The following INTS2 variants were observed in gnomAD, a reference collection of about 807,000 sequenced individuals.
INTS2 encodes the protein KIAA1287.
A neutral mutation model predicts 139.6 loss-of-function variants in INTS2; 57 were observed. The ratio of observed to expected loss-of-function variants is 0.41; its 90% CI spans 0.33 to 0.51. INTS2 has a LOEUF of 0.51. Among genes scored for constraint, INTS2 ranks in the 20% least tolerant of loss-of-function variants. INTS2 has a pLI of 0.28. For synonymous variants in INTS2, 473 were observed against 493.4 expected (o/e 0.96, Z 0.55); for missense variants, 1,196 against 1,436.7 (o/e 0.83, Z 2.71).
At chr17:61,888,564 C>CGTGCGTGCGTGTGTGT (rs755542102) in intron 15 of INTS2, among the ~76,000 whole-genome samples, 28 of 119,668 alleles carry the variant, frequency 2.3e-4, no homozygotes, top group African/African-American at 6.3e-4. Context: ...TGTGTGCGTG[C>CGTGCGTGCGTGTGTGT]GTGTGTGTGT....
In INTS2 at chr17:61,897,053, TAAG is replaced by T. The variant is rs1249974421; in HGVS notation, c.1494+413_1494+415del. 6.6e-6 allele frequency among the ~76,000 whole-genome samples: 1 copy of T among 152,152 alleles called. No individual in the cohort carries two copies. Among genetic ancestry groups the T allele is most frequent in the Non-Finnish European group, 1.5e-5 (1 of 68,016 alleles). On this transcript the variant is annotated intron_variant, in intron 11 of 24. Coordinates refer to ENST00000251334, the MANE Select transcript of INTS2 (RefSeq NM_001351695.2). The surrounding 1 kb of genome is among the most constrained non-coding windows in gnomAD (Gnocchi z 4.4). ...ACATGGGAAATAATAAGGGACCTAT[TAAG>T]AAGATCAAACAATGGACTATAAGAC...
In INTS2 at chr17:61,878,006, T is replaced by C. The variant is rs2079141073; in HGVS notation, c.2337A>G (p.Ile779Met). 6.2e-7 allele frequency: 1 copy of C among 1,612,546 alleles called. No homozygotes were observed. Among genetic ancestry groups the C allele is most frequent in the Non-Finnish European group, 8.5e-7 (1 of 1,178,582 alleles). The part of the protein sequence containing the change: ...HLTLLSASEL[I>M]PYAEVLTSNM... ...TGGATGTTAACACTTCCGCATATGGTATAAGTTCACTGGCAGAGAGTAGAG... is the reference window on the plus strand; with the variant it reads ...TGGATGTTAACACTTCCGCATATGGCATAAGTTCACTGGCAGAGAGTAGAG... The change falls in exon 18 of 25, where the codon ATA becomes ATG. Residue 779 changes from isoleucine to methionine, a missense_variant. Transcript: ENST00000251334.
Position 61,867,946 on chromosome 17 carries a change from C to A in INTS2, c.3308G>T (p.Cys1103Phe). 6.2e-7 allele frequency: 1 copy of A among 1,611,762 alleles called. No individual in the cohort carries two copies. Residue 1103 changes from cysteine to phenylalanine, a missense_variant, in exon 24 of 25, where the codon TGT becomes TTT. Cys to Phe is a radical substitution (Grantham distance 205). Transcript: ENST00000251334. The surrounding 1 kb of genome is among the most constrained non-coding windows in gnomAD (Gnocchi z 5.6). ...MPTLPSLVSF[C>F]RAFPPLYEDI... is the part of the protein sequence containing the mutation. ...CTCATACAATGGAGGAAATGCTCGA[C>A]AAAAAGAGACCAAACTTGGCAGAGT...
rs761310662 is a variant in INTS2, at chr17:61,871,093, AGATTTATTTTATT to A, written c.2779-1118_2779-1106del. On this transcript the variant is annotated intron_variant, in intron 20 of 24. Transcript: ENST00000251334. The surrounding 1 kb of genome is among the most constrained non-coding windows in gnomAD (Gnocchi z 4.9). Reference sequence around the variant, plus strand: ...TCCCTTATCTGAAACTCCTAGGAACAGATTTATTTTATTGATTTATTTTATTGATTTTTGTTGT... The same window carrying A: ...TCCCTTATCTGAAACTCCTAGGAACAGATTTATTTTATTGATTTTTGTTGT... 1.2e-4 allele frequency among the ~76,000 whole-genome samples: 19 copies of A among 152,150 alleles called. No individual in the cohort carries two copies. The highest frequency in any genetic ancestry group is 2.5e-4 in the Non-Finnish European group (17 of 68,020).
intron 8 of INTS2, among the ~76,000 whole-genome samples, chr17:61,905,190 C>T (rs1567908536): frequency 1.3e-5 from 2 of 152,004 alleles, no homozygotes; most frequent in African/African-American, 4.8e-5. Flanking sequence ...ATCCACCTCC[C>T]TTGGTCTCCT....
At chr17:61,911,486 T>C in intron 7 of INTS2, 34 bp downstream of exon 7, 1 of 1,575,018 alleles carries the variant, frequency 6.3e-7, no homozygotes, top group South Asian at 1.2e-5. Context: ...TAAAGTATTC[T>C]GATCCTTAGC....
intron 9 of INTS2, among the ~76,000 whole-genome samples, chr17:61,902,895 G>T (rs1441291943): frequency 6.7e-6 from 1 of 150,268 alleles, no homozygotes; most frequent in Non-Finnish European, 1.5e-5. Context: ...GGCTGGGCAC[G>T]GTGGCTCACG....
chr17:61,880,328 G>A (rs1475546527), intron 17 of INTS2, among the ~76,000 whole-genome samples: 2 of 151,694 alleles, frequency 1.3e-5, no homozygotes, highest in African/African-American at 4.8e-5. Context: ...TTACAGGCGT[G>A]AGCCACCACG....
chr17:61,900,882 C>T (rs188400935), intron 9 of INTS2, among the ~76,000 whole-genome samples: 7 of 151,734 alleles, frequency 4.6e-5, no homozygotes, highest in East Asian at 1.9e-4. Flanking sequence ...CACTTGAACC[C>T]GGGAGGCAGA....
chr17:61,888,396 C>T (rs746254725), intron 15 of INTS2, among the ~76,000 whole-genome samples: 2 of 151,996 alleles, frequency 1.3e-5, no homozygotes, highest in African/African-American at 2.4e-5. Context: ...ATGAACTATA[C>T]ACATGTAGGA....
chr17:61,902,069 C>G (rs2079412648), intron 9 of INTS2, among the ~76,000 whole-genome samples: 1 of 152,168 alleles, frequency 6.6e-6, no homozygotes, highest in Admixed American at 6.6e-5. Context: ...TCATTGTCTT[C>G]TAACTTCCAG....
intron 5 of INTS2, among the ~76,000 whole-genome samples, chr17:61,915,167 T>C (rs2143131265): frequency 1.3e-5 from 2 of 151,434 alleles, no homozygotes; most frequent in African/African-American, 4.8e-5. Flanking sequence ...TGAAACCCCG[T>C]CTCTACTAAA....
chr17:61,897,620 G>T lies in INTS2; in HGVS notation c.1380-37C>A. 1 of 1,580,578 alleles carries T rather than the reference G, an allele frequency of 6.3e-7. No homozygotes were observed. Among genetic ancestry groups the T allele is most frequent in the Non-Finnish European group, 8.6e-7 (1 of 1,159,152 alleles). ...AAATAGGAAATATGAATTTTCCAAAGAGAGAAGAAGAAAAGCTTTCTCAAC... is the reference window on the plus strand; with the variant it reads ...AAATAGGAAATATGAATTTTCCAAATAGAGAAGAAGAAAAGCTTTCTCAAC... On this transcript the variant is annotated intron_variant, in intron 10 of 24. Transcript: ENST00000251334. This position sits in a 1 kb window ranked among gnomAD's most constrained non-coding sequence, Gnocchi z 4.4.
intron 9 of INTS2, among the ~76,000 whole-genome samples, chr17:61,900,084 TGAG>T (rs1316878495): frequency 6.6e-6 from 1 of 152,130 alleles, no homozygotes; most frequent in Non-Finnish European, 1.5e-5. Flanking sequence ...CATAAGATAT[TGAG>T]GAGGGACAAC....
intron 8 of INTS2, among the ~76,000 whole-genome samples, chr17:61,905,342 T>C (rs1457663154): frequency 6.6e-6 from 1 of 152,242 alleles, no homozygotes; most frequent in Non-Finnish European, 1.5e-5. Context: ...CTTTCTTTTT[T>C]TTGAGACAGA....
Position 61,927,672 on chromosome 17 carries a change from GC to G in INTS2, c.-38del. On this transcript the variant is annotated 5_prime_UTR_variant, in exon 1 of 25. Transcript: ENST00000251334. ...TTCATACCTTAAGATCTACCCTCCA[GC>G]CTCACGGAACCGCACACGGACTCCG... 2 of 1,419,258 alleles carry G rather than the reference GC, an allele frequency of 1.4e-6. No individual in the cohort carries two copies. Among genetic ancestry groups the G allele is most frequent in the South Asian group, 3.0e-5 (2 of 67,164 alleles). The allele number at this position is 1,419,258 out of a possible 1,614,324, so 87.9% of individuals were successfully genotyped here.
In INTS2 at chr17:61,869,212, G is replaced by A. The variant is rs1163528811; in HGVS notation, c.3138+61C>T. On this transcript the variant is annotated intron_variant, in intron 22 of 24. Transcript: ENST00000251334. The surrounding 1 kb of genome is among the most constrained non-coding windows in gnomAD (Gnocchi z 5.4). The stretch of plus-strand genomic sequence containing the variant: ...GGTATTAAAAATTATAAAATGTTTT[G>A]TATAACTAGTAAGACTGGAGAGAGA... 11 of 1,440,574 alleles carry A rather than the reference G, an allele frequency of 7.6e-6. No individual in the cohort carries two copies. Among genetic ancestry groups the A allele is most frequent in the Middle Eastern group, 1.7e-4 (1 of 5,752 alleles). 89.2% of individuals were successfully genotyped at this position (1,440,574 alleles called of 1,614,324 possible). A position where few individuals can be genotyped will look rare whatever the true frequency, so the allele number is the denominator to read the frequency against.
rs780250871 is a variant in INTS2 at position 61,869,366 on chromosome 17, T to G, written c.3045A>C (p.Glu1015Asp). The part of the protein sequence containing the change: ...KLVHFQGYPC[E>D]LLPLTVAGIP... ...TACCTGCGACCGTCAGAGGCAAAAG[T>G]TCACATGGATAACCCTATCTCAACA... The change falls in exon 22 of 25, where the codon GAA becomes GAC. Residue 1015 changes from glutamate to aspartate, a missense_variant. Physicochemically the swap from Glu to Asp is conservative, Grantham distance 45 (BLOSUM62 2). Transcript: ENST00000251334. This position sits in a 1 kb window ranked among gnomAD's most constrained non-coding sequence, Gnocchi z 5.4. The G allele has an allele frequency of 6.2e-7, 1 of 1,600,370 alleles. No individual in the cohort carries two copies. The highest frequency in any genetic ancestry group is 1.3e-5 in the African/African-American group (1 of 74,586).
chr17:61,878,540 G>T (rs930776544), intron 17 of INTS2, among the ~76,000 whole-genome samples: 2 of 151,884 alleles, frequency 1.3e-5, no homozygotes, highest in Non-Finnish European at 2.9e-5. Flanking sequence ...CTCCAGCCTG[G>T]GTGACACAGC....
Sources: allele counts gnomAD v4.1 joint callset (sites outside exome capture counted in the v4.1 genomes callset), GRCh38; gene constraint gnomAD v4.1.1; non-coding constraint Gnocchi (gnomAD v3.1); transcripts MANE v1.5; gene names NCBI Gene and HGNC (gene_info 2026-07-23, HGNC 2026-07-21).